The following ZSWIM5 variants were observed in gnomAD, a reference collection of about 807,000 sequenced individuals.
ZSWIM5 encodes zinc finger SWIM domain-containing protein 5.
In ZSWIM5, 55 loss-of-function variants were observed where a neutral mutation model predicts 119.6. That is an observed-to-expected ratio of 0.46 (90% confidence interval 0.37 to 0.58). The LOEUF (loss-of-function observed/expected upper bound fraction) is 0.58, where lower values mean the gene tolerates loss of function less well. ZSWIM5 is among the 20% of genes least tolerant of loss of function. ZSWIM5 has a pLI of 0.00. For synonymous variants in ZSWIM5, 537 were observed against 606.9 expected (o/e 0.88, Z 1.69); for missense variants, 1,193 against 1,512.8 (o/e 0.79, Z 3.51).
chr1:45,143,067 G>A (rs1298528122), intron 1 of ZSWIM5, among the ~76,000 whole-genome samples: 2 of 150,322 alleles, frequency 1.3e-5, no homozygotes, highest in Non-Finnish European at 3.0e-5. Context: ...AGCTACTCAG[G>A]AGGCTGAAGT....
chr1:45,043,855 T>C (rs1645031205), intron 5 of ZSWIM5, among the ~76,000 whole-genome samples: 1 of 152,152 alleles, frequency 6.6e-6, no homozygotes, highest in Non-Finnish European at 1.5e-5. Flanking sequence ...CTTTCCCTTA[T>C]CAGACCAAGG....
chr1:45,056,810 G>A (rs1645126583), intron 4 of ZSWIM5, among the ~76,000 whole-genome samples: 1 of 152,134 alleles, frequency 6.6e-6, no homozygotes, highest in African/African-American at 2.4e-5. Context: ...TTTTAATAGA[G>A]GAGAAGGCAA....
At chr1:45,153,373 G>A in intron 1 of ZSWIM5, among the ~76,000 whole-genome samples, 1 of 151,838 alleles carries the variant, frequency 6.6e-6, no homozygotes, top group East Asian at 1.9e-4. Flanking sequence ...AGATGTGGTG[G>A]TGTGTGCCTG....
rs115519824 is a variant in ZSWIM5, at chr1:45,095,932, G to A, written c.596-7695C>T. Among the ~76,000 whole-genome samples the A allele has an allele frequency of 8.0e-3, 1,211 of 152,210 alleles. 4 individuals are homozygous for A. Among genetic ancestry groups the A allele is most frequent in the Non-Finnish European group, 0.014 (924 of 68,022 alleles). On this transcript the variant is annotated intron_variant, in intron 1 of 13. Coordinates refer to ENST00000359600, the MANE Select transcript of ZSWIM5 (RefSeq NM_020883.2). ...TGGTTAGGTCAGTGCCTGGAACCTG[G>A]TAGGCTCTTAACAAAAACAGTAACA...
intron 8 of ZSWIM5, among the ~76,000 whole-genome samples, chr1:45,037,173 C>T (rs770535733): frequency 2.5e-4 from 36 of 143,908 alleles, no homozygotes; most frequent in Non-Finnish European, 4.8e-4. Context: ...AGCAGTGGCA[C>T]GGTATCGGCT....
intron 1 of ZSWIM5, among the ~76,000 whole-genome samples, chr1:45,129,153 GTTTTTTTTTT>G (rs869042927): frequency 7.1e-5 from 5 of 70,162 alleles, no homozygotes; most frequent in Admixed American, 2.0e-4. Context: ...CATACATCTT[GTTTTTTTTTT>G]TTTTTTTTTT....
At chr1:45,128,308 C>A (rs531916693) in intron 1 of ZSWIM5, among the ~76,000 whole-genome samples, 6 of 152,282 alleles carry the variant, frequency 3.9e-5, no homozygotes, top group African/African-American at 1.4e-4. Context: ...ATCCTCCCAC[C>A]TCCAGCCTCC....
intron 11 of ZSWIM5, among the ~76,000 whole-genome samples, chr1:45,027,713 C>T (rs1021945761): frequency 5.3e-5 from 8 of 152,132 alleles, no homozygotes; most frequent in Non-Finnish European, 1.2e-4. Flanking sequence ...AAAGGTCTTA[C>T]TCTTGCCTAG....
intron 1 of ZSWIM5, among the ~76,000 whole-genome samples, chr1:45,127,280 A>T (rs540294361): frequency 6.6e-6 from 1 of 152,354 alleles, no homozygotes; most frequent in South Asian, 2.1e-4. Flanking sequence ...TCATATAATC[A>T]TATCAGTTGA....
At chr1:45,102,109 T>C (rs1645443234) in intron 1 of ZSWIM5, among the ~76,000 whole-genome samples, 1 of 152,106 alleles carries the variant, frequency 6.6e-6, no homozygotes. Flanking sequence ...AGAGTAAACA[T>C]TTATAAAAGT....
At chr1:45,177,441 A>T (rs1435397768) in intron 1 of ZSWIM5, among the ~76,000 whole-genome samples, 1 of 152,134 alleles carries the variant, frequency 6.6e-6, no homozygotes, top group East Asian at 1.9e-4. Context: ...GGTAACAGCA[A>T]TAGAGCAATT....
At chr1:45,167,878 A>T (rs1152028) in intron 1 of ZSWIM5, among the ~76,000 whole-genome samples, 9,561 of 152,200 alleles carry the variant, frequency 0.063, 377 homozygotes, top group East Asian at 0.11. Context: ...TGTTGGTGGG[A>T]CTATAAACTA....
At chr1:45,131,122 A>G (rs1229771779) in intron 1 of ZSWIM5, among the ~76,000 whole-genome samples, 2 of 152,184 alleles carry the variant, frequency 1.3e-5, no homozygotes, top group Non-Finnish European at 2.9e-5. Context: ...GAGTATAGCT[A>G]TAAAGTAACA....
At chr1:45,111,278 A>G (rs1434088228) in intron 1 of ZSWIM5, among the ~76,000 whole-genome samples, 2 of 152,224 alleles carry the variant, frequency 1.3e-5, no homozygotes, top group African/African-American at 4.8e-5. Flanking sequence ...TTAAAAACAC[A>G]AAGGTGAACC....
intron 1 of ZSWIM5, among the ~76,000 whole-genome samples, chr1:45,105,177 C>G (rs1016456566): frequency 3.3e-5 from 5 of 152,168 alleles, no homozygotes; most frequent in African/African-American, 1.2e-4. Flanking sequence ...GTCTCCAGCT[C>G]CTGGCCTCGG....
At chr1:45,185,077 G>A (rs1354617295) in intron 1 of ZSWIM5, among the ~76,000 whole-genome samples, 1 of 152,074 alleles carries the variant, frequency 6.6e-6, no homozygotes, top group Non-Finnish European at 1.5e-5. Flanking sequence ...ACAGAACAGA[G>A]GCCTCAGAAA....
Position 45,058,502 on chromosome 1 carries a change from T to C in ZSWIM5, c.1252+107A>G, listed in dbSNP as rs889185873. The stretch of plus-strand genomic sequence containing the variant: ...TGTAGAACCTAAGTCTTCTACCAGC[T>C]GGACTTAGCAAGATCCATGCAACGA... On this transcript the variant is annotated intron_variant, in intron 4 of 13. Coordinates refer to ENST00000359600, the MANE Select transcript of ZSWIM5 (RefSeq NM_020883.2). 2.0e-5 allele frequency: 28 copies of C among 1,421,434 alleles called. No individual in the cohort carries two copies. In the Middle Eastern group the frequency reaches 7.0e-4, roughly 35 times the overall value. 88.1% of individuals were successfully genotyped at this position (1,421,434 alleles called of 1,614,324 possible).
chr1:45,069,411 G>A (rs1645207699), intron 2 of ZSWIM5, among the ~76,000 whole-genome samples: 2 of 150,378 alleles, frequency 1.3e-5, no homozygotes, highest in African/African-American at 4.9e-5. Context: ...GGACGACAGA[G>A]TGAGACTCCG....
Position 45,019,203 on chromosome 1 carries a change from T to C in ZSWIM5, c.2809A>G (p.Ser937Gly), listed in dbSNP as rs1359631108. 6.2e-7 allele frequency: 1 copy of C among 1,613,634 alleles called. No individual in the cohort carries two copies. The highest frequency in any genetic ancestry group is 2.2e-5 in the East Asian group (1 of 44,880). The change falls in exon 14 of 14, where the codon AGT becomes GGT. Residue 937 changes from serine to glycine, a missense_variant. Ser to Gly is a moderately conservative substitution (Grantham distance 56). Around this residue, in one of 2 missense-constraint regions of ZSWIM5, gnomAD observed 961 missense variants for 1,290.0 expected, o/e 0.74. Coordinates refer to ENST00000359600, the MANE Select transcript of ZSWIM5 (RefSeq NM_020883.2). The surrounding 1 kb of genome is among the most constrained non-coding windows in gnomAD (Gnocchi z 5.0). ...AVSHTTILRL[S>G]LDYPQREELA... Reference sequence around the variant, plus strand: ...TCCTCCCGCTGTGGATAGTCAAGACTGAGGCGCAGGATAGTGGTGTGGGAT... The same window carrying C: ...TCCTCCCGCTGTGGATAGTCAAGACCGAGGCGCAGGATAGTGGTGTGGGAT...
Sources: allele counts gnomAD v4.1 joint callset (sites outside exome capture counted in the v4.1 genomes callset), GRCh38; gene constraint gnomAD v4.1.1; regional missense constraint gnomAD v4.1.1; non-coding constraint Gnocchi (gnomAD v3.1); transcripts MANE v1.5; gene names NCBI Gene and HGNC (gene_info 2026-07-23, HGNC 2026-07-21).